The following APCDD1 variants were observed in gnomAD, a reference collection of about 807,000 sequenced individuals.
APCDD1 encodes protein APCDD1.
APCDD1 carries 15 observed loss-of-function variants against 38.1 expected under a neutral mutation model. The observed-to-expected ratio is 0.39, with a 90% CI of 0.26 to 0.61. The LOEUF is 0.61. Among genes scored for constraint, APCDD1 ranks in the 20% least tolerant of loss-of-function variants. The pLI is 0.49. For synonymous variants in APCDD1, 261 were observed against 279.7 expected (o/e 0.93, Z 0.67); for missense variants, 647 against 696.2 (o/e 0.93, Z 0.79).
At chr18:10,480,707 C>A (rs1321935270) in intron 3 of APCDD1, among the ~76,000 whole-genome samples, 1 of 149,822 alleles carries the variant, frequency 6.7e-6, no homozygotes, top group Non-Finnish European at 1.5e-5. Context: ...ACAAAAAATA[C>A]AAAAAAAAAA....
At chr18:10,466,718 A>C (rs1263753914) in intron 1 of APCDD1, among the ~76,000 whole-genome samples, 3 of 152,200 alleles carry the variant, frequency 2.0e-5, no homozygotes, top group Non-Finnish European at 4.4e-5. Flanking sequence ...TCAGGAAAGG[A>C]AGCCCTGGCT....
intron 1 of APCDD1, among the ~76,000 whole-genome samples, chr18:10,460,951 A>C (rs1238298558): frequency 6.6e-6 from 1 of 152,216 alleles, no homozygotes; most frequent in African/African-American, 2.4e-5. Context: ...AACCTGACAC[A>C]CAGGCCTTTT....
In APCDD1 at chr18:10,485,724, G is replaced by T. The variant is rs147066092; in HGVS notation, c.1037G>T (p.Arg346Leu). The change falls in exon 4 of 5, where the codon CGC (arginine) becomes CTC (leucine). Residue 346 changes from arginine to leucine, a missense_variant. Coordinates refer to ENST00000355285, the MANE Select transcript of APCDD1 (RefSeq NM_153000.5). This position sits in a 1 kb window ranked among gnomAD's most constrained non-coding sequence, Gnocchi z 5.8. ...ACCTTCTCCATCTACGCCCGGGGCC[G>T]CTACAGCCGCGGCGTCCTCTCGTCC... ...HPTFSIYARG[R>L]YSRGVLSSRV... The T allele has an allele frequency of 6.2e-7, 1 of 1,614,050 alleles. No homozygotes were observed. The highest frequency in any genetic ancestry group is 1.1e-5 in the South Asian group (1 of 91,086).
At chr18:10,456,858 G>C (rs969257809) in intron 1 of APCDD1, among the ~76,000 whole-genome samples, 16 of 152,224 alleles carry the variant, frequency 1.1e-4, no homozygotes, top group Non-Finnish European at 1.5e-5. Flanking sequence ...CATGGTGTTG[G>C]GAGGGGGATT....
rs2031226356 is a variant in APCDD1 at position 10,485,386 on chromosome 18, C to G, written c.775-76C>G. 1.3e-6 allele frequency: 2 copies of G among 1,528,560 alleles called. No individual in the cohort carries two copies. The highest frequency in any genetic ancestry group is 3.3e-5 in the Admixed American group (2 of 59,924). The allele number at this position is 1,528,560 out of a possible 1,614,324, so 94.7% of individuals were successfully genotyped here. A position where few individuals can be genotyped will look rare whatever the true frequency, so the allele number is the denominator to read the frequency against. On this transcript the variant is annotated intron_variant, in intron 3 of 4. Coordinates refer to ENST00000355285, the MANE Select transcript of APCDD1 (RefSeq NM_153000.5). This position sits in a 1 kb window ranked among gnomAD's most constrained non-coding sequence, Gnocchi z 5.8. ...GGTGATCTGGTGCCTGGTGAGACCC[C>G]ATTTGCCGGAAGCATGTGTGCACTG...
At chr18:10,460,463 G>A (rs921529203) in intron 1 of APCDD1, among the ~76,000 whole-genome samples, 23 of 152,002 alleles carry the variant, frequency 1.5e-4, no homozygotes, top group Non-Finnish European at 2.8e-4. Context: ...AACCCAGGAG[G>A]CGGAGGTTGC....
In APCDD1 at chr18:10,472,638, CTACTGAG is replaced by C. The variant is rs2030891114; in HGVS notation, c.774+579_774+585del. Among the ~76,000 whole-genome samples, 1 of 152,188 alleles carries C rather than the reference CTACTGAG, an allele frequency of 6.6e-6. No individual in the cohort carries two copies. The highest frequency in any genetic ancestry group is 2.1e-4 in the South Asian group (1 of 4,826). On this transcript the variant is annotated intron_variant, in intron 3 of 4. Transcript: ENST00000355285. The surrounding 1 kb of genome is among the most constrained non-coding windows in gnomAD (Gnocchi z 6.6). ...TATGGCTCCTGCCCAGGCCACGCGG[CTACTGAG>C]TTTTCCTGCTGGACCATGAGTCCAA... is the stretch of plus-strand genomic sequence containing the variant.
rs150728546 is a variant in APCDD1, at chr18:10,487,663, C to A, written c.1170C>A (p.Cys390Ter). The change falls in exon 5 of 5, where the codon TGC becomes TGA. Residue 390 changes from cysteine to a stop codon, truncating the protein, a stop_gained. Coordinates refer to ENST00000355285, the MANE Select transcript of APCDD1 (RefSeq NM_153000.5). LOFTEE classifies it high-confidence loss of function. ...TCAACGTCTTCAACGGGAATGAGTGCGGGGCCGAGGGCTCCTGGCAGGTGG... is the reference window on the plus strand; with the variant it reads ...TCAACGTCTTCAACGGGAATGAGTGAGGGGCCGAGGGCTCCTGGCAGGTGG... The part of the protein sequence containing the change: ...SLLNVFNGNE[C>*]GAEGSWQVGI... 6 of 1,614,164 alleles carry A rather than the reference C, an allele frequency of 3.7e-6. No homozygotes were observed. The highest frequency in any genetic ancestry group is 5.1e-6 in the Non-Finnish European group (6 of 1,180,042).
chr18:10,463,499 T>C (rs1317174157), intron 1 of APCDD1, among the ~76,000 whole-genome samples: 1 of 152,242 alleles, frequency 6.6e-6, no homozygotes, highest in Non-Finnish European at 1.5e-5. Flanking sequence ...GGGCACACCA[T>C]GACTGATTCT....
In APCDD1 at chr18:10,471,740, G is replaced by A. The variant is rs755163934; in HGVS notation, c.453G>A (p.Gln151=). Residue 151 remains glutamine, a synonymous_variant, in exon 3 of 5, where the codon CAG becomes CAA. Transcript: ENST00000355285. The surrounding 1 kb of genome is among the most constrained non-coding windows in gnomAD (Gnocchi z 5.5). ...CCGACTACCAGCTGCACAACGTCCAGGTGATCTGCCACACAGAGGCGGTGG... is the reference window on the plus strand; with the variant it reads ...CCGACTACCAGCTGCACAACGTCCAAGTGATCTGCCACACAGAGGCGGTGG... ...TEADYQLHNV[Q]VICHTEAVAE... The A allele has an allele frequency of 6.2e-6, 10 of 1,613,962 alleles. No homozygotes were observed. The African/African-American group carries it at 1.3e-4, about 22-fold the overall frequency.
At chr18:10,484,707 G>T (rs1270726730) in intron 3 of APCDD1, among the ~76,000 whole-genome samples, 1 of 152,146 alleles carries the variant, frequency 6.6e-6, no homozygotes. Context: ...TCACTTACCA[G>T]GGTGTCCCCA....
Position 10,455,025 on chromosome 18 carries a change from C to T in APCDD1, c.44C>T (p.Ala15Val), listed in dbSNP as rs868835621. 4 of 1,565,128 alleles carry T rather than the reference C, an allele frequency of 2.6e-6. No individual in the cohort carries two copies. The highest frequency in any genetic ancestry group is 3.5e-6 in the Non-Finnish European group (4 of 1,155,126). ...CTCCTGCTCAGATACCTGTTCCCGG[C>T]CCTCCTGCTTCACGGTGAGTTCCCG... ...RRLLLRYLFPALLLHGLGEGS... is the reference protein window; with the variant it reads ...RRLLLRYLFPVLLLHGLGEGS... The change falls in exon 1 of 5, where the codon GCC (alanine) becomes GTC (valine). Residue 15 changes from alanine to valine, a missense_variant. Transcript: ENST00000355285.
In APCDD1 at chr18:10,454,759, C is replaced by A; in HGVS notation, c.-223C>A. 1.0e-6 allele frequency: 1 copy of A among 980,640 alleles called. No homozygotes were observed. The highest frequency in any genetic ancestry group is 1.2e-6 in the Non-Finnish European group (1 of 828,172). The allele number at this position is 980,640 out of a possible 1,614,324, so 60.7% of individuals were successfully genotyped here. On this transcript the variant is annotated 5_prime_UTR_variant, in exon 1 of 5. Coordinates refer to ENST00000355285, the MANE Select transcript of APCDD1 (RefSeq NM_153000.5). ...GGGGCGGGCGGCAGAGAGGCCGGGA[C>A]GCGGACCGGGCCGGGGCGCCCACAG...
At chr18:10,468,346 C>T in intron 1 of APCDD1, 123 bp from the exon 2 acceptor site, 1 of 1,058,616 alleles carries the variant, frequency 9.4e-7, no homozygotes, top group Non-Finnish European at 1.5e-6. Context: ...TGTGATGACA[C>T]CTTGTAGAAT....
Position 10,467,431 on chromosome 18 carries a change from C to T in APCDD1, c.59-1038C>T, listed in dbSNP as rs551290741. ...CACAGGGCTAAATACGTAGTAGGTC[C>T]GCCATAAATGCCTGTTGATTTGTTA... On this transcript the variant is annotated intron_variant, in intron 1 of 4. Coordinates refer to ENST00000355285, the MANE Select transcript of APCDD1 (RefSeq NM_153000.5). The surrounding 1 kb of genome is among the most constrained non-coding windows in gnomAD (Gnocchi z 4.8). Among the ~76,000 whole-genome samples, 340 of 152,252 alleles carry T rather than the reference C, an allele frequency of 2.2e-3. 2 individuals carry two copies. Among genetic ancestry groups the T allele is most frequent in the African/African-American group, 5.7e-3 (235 of 41,546 alleles).
Position 10,460,928 on chromosome 18 carries a change from G to T in APCDD1, c.58+5889G>T, listed in dbSNP as rs140625093. 2.0e-3 allele frequency among the ~76,000 whole-genome samples: 297 copies of T among 152,264 alleles called. 1 individual carries two copies. The highest frequency in any genetic ancestry group is 6.7e-3 in the African/African-American group (277 of 41,560). On this transcript the variant is annotated intron_variant, in intron 1 of 4. Coordinates refer to ENST00000355285, the MANE Select transcript of APCDD1 (RefSeq NM_153000.5). ...TGTGCATGATCTGGTGAATTCAGGG[G>T]ATGTGAACAGTTAACCTGACACACA...
intron 1 of APCDD1, among the ~76,000 whole-genome samples, chr18:10,456,264 G>A (rs1254696598): frequency 6.6e-6 from 1 of 152,208 alleles, no homozygotes; most frequent in Admixed American, 6.5e-5. Context: ...TAACAGTCGG[G>A]ATGGAAGGCT....
chr18:10,473,361 A>G (rs945819373), intron 3 of APCDD1, among the ~76,000 whole-genome samples: 1 of 152,230 alleles, frequency 6.6e-6, no homozygotes, highest in African/African-American at 2.4e-5. Flanking sequence ...CCCTGTGCTC[A>G]GCCCATGTGC....
intron 1 of APCDD1, 148 bp from the exon 2 acceptor site, chr18:10,468,321 C>T (rs2030764937): frequency 5.8e-6 from 5 of 859,888 alleles, no homozygotes; most frequent in Non-Finnish European, 9.7e-6. Context: ...GTGCATCATA[C>T]ACGAGAGCAC....
Sources: gnomAD v4.1 joint callset for allele counts (sites outside exome capture counted in the v4.1 genomes callset) on GRCh38, gnomAD v4.1.1 for gene constraint, Gnocchi (gnomAD v3.1) non-coding constraint, MANE v1.5 for transcripts, NCBI Gene and HGNC (gene_info 2026-07-23, HGNC 2026-07-21) for gene names.